Variants in UGT2A2 observed in about 807,000 individuals in gnomAD.
UGT2A2 encodes the protein UDP-glucuronosyltransferase 2A2.
UGT2A2 carries 60 observed loss-of-function variants against 50.7 expected under a neutral mutation model. The observed-to-expected ratio is 1.18, with a 90% CI of 0.96 to 1.47. UGT2A2 has a LOEUF of 1.47. Among genes scored for constraint, UGT2A2 ranks in the 40% most tolerant of loss-of-function variants. The pLI is 0.00. For synonymous variants in UGT2A2, 242 were observed against 214.6 expected, an observed-to-expected ratio of 1.13 and a Z score of -1.11; for missense variants, 762 against 634.0, an observed-to-expected ratio of 1.20 and a Z score of -2.17.
At chr4:69,611,199 G>A (rs1342731524) in intron 1 of UGT2A2, among the ~76,000 whole-genome samples, 1 of 151,516 alleles carries the variant, frequency 6.6e-6, no homozygotes, top group Non-Finnish European at 1.5e-5. Context: ...AAGCTGGAGT[G>A]CAGTGGCACC....
chr4:69,614,118 C>CTGAATGGGTTT (rs373359634), intron 1 of UGT2A2, among the ~76,000 whole-genome samples: 38,044 of 151,602 alleles, frequency 0.25, 5,145 homozygotes, highest in African/African-American at 0.35. Flanking sequence ...CTGATAAACC[C>CTGAATGGGTTT]ATTCAGTAGT....
chr4:69,595,754 A>G (rs1315232297), intron 3 of UGT2A2, among the ~76,000 whole-genome samples: 24 of 152,230 alleles, frequency 1.6e-4, no homozygotes. Flanking sequence ...TTTTAGCTAG[A>G]GAATATTCAA....
At chr4:69,614,711 C>T (rs1720270435) in intron 1 of UGT2A2, among the ~76,000 whole-genome samples, 2 of 152,020 alleles carry the variant, frequency 1.3e-5, no homozygotes. Flanking sequence ...CAAATACATA[C>T]ATTGGGAAAG....
At chr4:69,596,227 C>A (rs1277571445) in intron 3 of UGT2A2, 23 bp downstream of exon 3, 2 of 1,486,510 alleles carry the variant, frequency 1.3e-6, no homozygotes, top group Non-Finnish European at 1.8e-6. Flanking sequence ...AAGCTGTGTA[C>A]CAGGATTCCA....
chr4:69,638,440 G>A (rs1721841431), intron 1 of UGT2A2, among the ~76,000 whole-genome samples: 1 of 152,140 alleles, frequency 6.6e-6, no homozygotes, highest in Non-Finnish European at 1.5e-5. Flanking sequence ...GAGAGACAGT[G>A]AGAACCAGGG....
At chr4:69,612,382 T>A (rs779203511) in intron 1 of UGT2A2, among the ~76,000 whole-genome samples, 10 of 151,890 alleles carry the variant, frequency 6.6e-5, no homozygotes, top group Non-Finnish European at 1.2e-4. Flanking sequence ...AATCATCACA[T>A]AATTAGATAA....
At chr4:69,627,456 ACAGGCAAGCAGGCAGG>A (rs1213692869) in intron 1 of UGT2A2, among the ~76,000 whole-genome samples, 1 of 150,008 alleles carries the variant, frequency 6.7e-6, no homozygotes, top group Non-Finnish European at 1.5e-5. Context: ...CCATAGGCAG[ACAGGCAAGCAGGCAGG>A]CAGGCAGGCA....
intron 2 of UGT2A2, among the ~76,000 whole-genome samples, 168 bp downstream of exon 2, chr4:69,599,078 A>G (rs1719101508): frequency 6.6e-6 from 1 of 152,176 alleles, no homozygotes; most frequent in African/African-American, 2.4e-5. Context: ...GTAAAGTTCA[A>G]AACACCTAAT....
At chr4:69,618,926 C>G (rs1720573214) in intron 1 of UGT2A2, among the ~76,000 whole-genome samples, 1 of 151,722 alleles carries the variant, frequency 6.6e-6, no homozygotes, top group Admixed American at 6.6e-5. Context: ...TTTTTAAAAA[C>G]TCAGGATCAA....
Position 69,639,166 on chromosome 4 carries a change from C to A in UGT2A2, c.475G>T (p.Asp159Tyr). ...AGATCACCACAGATTGTTACTGGGT[C>A]TGCTACCAACACATCAAAACCACCT... ...QKGGFDVLVA[D>Y]PVTICGDLVA... The change falls in exon 1 of 6, where the codon GAC becomes TAC. Residue 159 changes from aspartate (D) to tyrosine (Y), a missense_variant. By Grantham distance (160) the Asp-to-Tyr change is radical (BLOSUM62 -3). Transcript: ENST00000604629. The A allele has an allele frequency of 6.2e-7, 1 of 1,613,670 alleles. No homozygotes were observed. The highest frequency in any genetic ancestry group is 8.5e-7 in the Non-Finnish European group (1 of 1,179,748).
intron 1 of UGT2A2, among the ~76,000 whole-genome samples, chr4:69,602,616 A>T (rs1488543191): frequency 7.3e-6 from 1 of 137,562 alleles, no homozygotes; most frequent in Non-Finnish European, 1.6e-5. Context: ...AGCAACTGAA[A>T]TTTCTGTGCA....
chr4:69,600,943 T>C (rs916100855), intron 1 of UGT2A2, among the ~76,000 whole-genome samples: 4 of 152,004 alleles, frequency 2.6e-5, no homozygotes, highest in Non-Finnish European at 4.4e-5. Flanking sequence ...ACTTCCAACA[T>C]TGGGGATCAC....
At chr4:69,626,991 C>T (rs1258406138) in intron 1 of UGT2A2, among the ~76,000 whole-genome samples, 3 of 151,706 alleles carry the variant, frequency 2.0e-5, no homozygotes, top group African/African-American at 4.8e-5. Flanking sequence ...AAATTAAACA[C>T]TTCTCCAGTG....
At chr4:69,615,815 T>A (rs977369565) in intron 1 of UGT2A2, among the ~76,000 whole-genome samples, 22 of 151,954 alleles carry the variant, frequency 1.4e-4, no homozygotes, top group Admixed American at 7.2e-4. Flanking sequence ...GGTGGGAATA[T>A]AAAATTGGTG....
chr4:69,639,507 A>T lies in UGT2A2; in HGVS notation c.134T>A (p.Ile45Asn), dbSNP rs769968064. Reference protein sequence around the residue: ...WPTDGSHWLNIKIILEELIQR... With the variant: ...WPTDGSHWLNNKIILEELIQR... ...AATCAACTCTTCTAGAATAATCTTA[A>T]TATTTAACCAATGGCTACCATCTGT... is the stretch of plus-strand genomic sequence containing the variant. The change falls in exon 1 of 6, where the codon ATT becomes AAT. Residue 45 changes from isoleucine (I) to asparagine (N), a missense_variant. Physicochemically the swap from Ile to Asn is moderately radical, Grantham distance 149 (BLOSUM62 -3). Transcript: ENST00000604629. 1.9e-6 allele frequency: 3 copies of T among 1,613,270 alleles called. No homozygotes were observed. The highest frequency in any genetic ancestry group is 2.5e-6 in the Non-Finnish European group (3 of 1,179,588).
intron 1 of UGT2A2, 123 bp downstream of exon 1, chr4:69,638,776 G>A (rs1163603893): frequency 1.6e-6 from 2 of 1,219,258 alleles, no homozygotes; most frequent in African/African-American, 3.1e-5. Context: ...TGTTTGTACA[G>A]AGATATAAGA....
At chr4:69,592,769 G>T (rs914171172) in intron 5 of UGT2A2, among the ~76,000 whole-genome samples, 2 of 151,130 alleles carry the variant, frequency 1.3e-5, no homozygotes, top group Non-Finnish European at 3.0e-5. Flanking sequence ...CAGAAGTAAA[G>T]ATAAAAAATG....
At chr4:69,612,361 C>T (rs1720115015) in intron 1 of UGT2A2, among the ~76,000 whole-genome samples, 1 of 151,984 alleles carries the variant, frequency 6.6e-6, no homozygotes, top group South Asian at 2.1e-4. Context: ...ACATTCATGT[C>T]AAACTACCAA....
chr4:69,624,212 AC>A (rs1408383206), intron 1 of UGT2A2, among the ~76,000 whole-genome samples: 1 of 151,458 alleles, frequency 6.6e-6, no homozygotes, highest in Non-Finnish European at 1.5e-5. Context: ...TGAATTTAAC[AC>A]CTTTACTTAT....
Sources: allele counts gnomAD v4.1 joint callset (sites outside exome capture counted in the v4.1 genomes callset), GRCh38; gene constraint gnomAD v4.1.1; transcripts MANE v1.5; gene names NCBI Gene and HGNC (gene_info 2026-07-23, HGNC 2026-07-21).